VASH2: variants seen among roughly 807,000 people sequenced by gnomAD.
The protein encoded by VASH2 is vasohibin 2, also known as tubulinyl-Tyr carboxypeptidase 2.
In VASH2, 28 loss-of-function variants were observed where a neutral mutation model predicts 37.2. That is an observed-to-expected ratio of 0.75 (90% CI 0.56 to 1.03). The LOEUF is 1.03. Among genes scored for constraint, VASH2 ranks in the 50% least tolerant of loss-of-function variants. The probability of loss-of-function intolerance (pLI) is 0.00; values close to 1 mark genes in which losing one functional copy is unlikely to be tolerated. For missense variants in VASH2, 419 were observed against 459.1 expected, an observed-to-expected ratio of 0.91 and a Z score of 0.80; for synonymous variants, 188 against 174.7, an observed-to-expected ratio of 1.08 and a Z score of -0.60.
In VASH2 at chr1:212,988,452, CT is replaced by C. The variant is rs1450973161; in HGVS notation, c.996-59del. ...AACCGAGTAGAGGACCTTGAAAATG[CT>C]GTTGTCTTTCTTTGCCCCATCCCCT... On this transcript the variant is annotated intron_variant, in intron 7 of 7. Coordinates refer to ENST00000517399, the MANE Select transcript of VASH2 (RefSeq NM_001301056.2). The C allele has an allele frequency of 6.5e-5, 101 of 1,554,424 alleles. No homozygotes were observed. In the East Asian group the frequency reaches 1.4e-3, roughly 21 times the overall value.
intron 2 of VASH2, among the ~76,000 whole-genome samples, chr1:212,958,090 G>A (rs1214721818): frequency 1.3e-5 from 2 of 152,220 alleles, no homozygotes; most frequent in East Asian, 3.8e-4. Context: ...GTAGGTGGCA[G>A]AGCAGGGCTT....
intron 7 of VASH2, among the ~76,000 whole-genome samples, chr1:212,986,710 G>C (rs1044813202): frequency 1.3e-5 from 2 of 149,562 alleles, no homozygotes; most frequent in Non-Finnish European, 3.0e-5. Flanking sequence ...ATCCCCTGAA[G>C]GATGGAAGCC....
intron 6 of VASH2, chr1:212,973,275 C>G: frequency 1.1e-6 from 1 of 887,214 alleles, no homozygotes; most frequent in Non-Finnish European, 1.6e-6. Flanking sequence ...CCTGGAACTG[C>G]GGGTTTTCCC....
At chr1:212,956,761 T>C (rs1328427650) in intron 2 of VASH2, among the ~76,000 whole-genome samples, 1 of 152,262 alleles carries the variant, frequency 6.6e-6, no homozygotes, top group Non-Finnish European at 1.5e-5. Context: ...GCATTTCTTA[T>C]ATTATTAGAG....
At chr1:212,969,909 G>A (rs923645203) in intron 5 of VASH2, among the ~76,000 whole-genome samples, 6 of 152,154 alleles carry the variant, frequency 3.9e-5, no homozygotes, top group African/African-American at 1.4e-4. Flanking sequence ...TTGGCCCAGA[G>A]TTCAGGATTC....
chr1:212,982,576 G>C (rs952641530), intron 7 of VASH2, among the ~76,000 whole-genome samples: 1 of 152,192 alleles, frequency 6.6e-6, no homozygotes, highest in African/African-American at 2.4e-5. Flanking sequence ...AGCTCACCCA[G>C]CTCTGGCCCT....
intron 7 of VASH2, among the ~76,000 whole-genome samples, chr1:212,976,769 G>A (rs569213545): frequency 5.9e-5 from 9 of 152,334 alleles, no homozygotes; most frequent in African/African-American, 2.2e-4. Flanking sequence ...CTTGCCCTCT[G>A]CCCTCCTGCC....
intron 7 of VASH2, among the ~76,000 whole-genome samples, chr1:212,987,021 C>A (rs1486844386): frequency 6.6e-6 from 1 of 150,998 alleles, no homozygotes; most frequent in East Asian, 1.9e-4. Context: ...ATGACTATTC[C>A]TTCCCATTTC....
At position 212,989,834 on chromosome 1, in the gene VASH2, T is replaced by C. The variant is rs2075839470; in HGVS notation, c.*1250T>C. On this transcript the variant is annotated 3_prime_UTR_variant, in exon 8 of 8. Coordinates refer to ENST00000517399, the MANE Select transcript of VASH2 (RefSeq NM_001301056.2). ...TCTGGCCTGCATATGGTAGTTACAG[T>C]GTAACCTCTGGCTGCAGACCACACA... 2 of 152,204 alleles carry C rather than the reference T, an allele frequency of 1.3e-5. No homozygotes were observed. The highest frequency in any genetic ancestry group is 4.1e-4 in the South Asian group (2 of 4,830). 9.4% of individuals were successfully genotyped at this position (152,204 alleles called of 1,614,324 possible). A position where few individuals can be genotyped will look rare whatever the true frequency, so the allele number is the denominator to read the frequency against.
chr1:212,981,450 C>T (rs755784434), intron 7 of VASH2, among the ~76,000 whole-genome samples: 22 of 152,178 alleles, frequency 1.4e-4, no homozygotes, highest in Non-Finnish European at 2.6e-4. Context: ...CCAGACCGGC[C>T]GTGAATCCTA....
chr1:212,956,776 TAAACAA>T (rs1450146798), intron 2 of VASH2, among the ~76,000 whole-genome samples: 1 of 152,230 alleles, frequency 6.6e-6, no homozygotes, highest in Non-Finnish European at 1.5e-5. Context: ...TTAGAGCACT[TAAACAA>T]TTTTTTCAAG....
intron 2 of VASH2, 62 bp from the exon 3 acceptor site, chr1:212,961,104 C>T: frequency 6.5e-7 from 1 of 1,546,846 alleles, no homozygotes; most frequent in Non-Finnish European, 8.9e-7. Context: ...CTGCCTGCCC[C>T]CAGAAGCTGG....
intron 3 of VASH2, among the ~76,000 whole-genome samples, chr1:212,963,334 C>A (rs946209141): frequency 6.6e-6 from 1 of 152,174 alleles, no homozygotes; most frequent in Non-Finnish European, 1.5e-5. Context: ...AGCCCCCTGC[C>A]CACTGGGGCC....
At chr1:212,957,209 C>T (rs61832425) in intron 2 of VASH2, among the ~76,000 whole-genome samples, 1,589 of 152,314 alleles carry the variant, frequency 0.01, 11 homozygotes, top group Non-Finnish European at 0.016. Flanking sequence ...AACGTCTTTC[C>T]TTTTAAAGGC....
chr1:212,972,108 C>T (rs1387345212), intron 5 of VASH2, among the ~76,000 whole-genome samples: 1 of 152,200 alleles, frequency 6.6e-6, no homozygotes. Flanking sequence ...CCACCTCCTT[C>T]TGCATTCCCA....
chr1:212,988,384 TG>T, intron 7 of VASH2, 127 bp from the exon 8 acceptor site: 3 of 886,782 alleles, frequency 3.4e-6, no homozygotes, highest in Non-Finnish European at 5.4e-6. Context: ...GCTGGCAGGG[TG>T]GGGGAATGGG....
intron 7 of VASH2, among the ~76,000 whole-genome samples, chr1:212,980,408 C>A (rs1667309153): frequency 1.3e-5 from 2 of 152,180 alleles, no homozygotes; most frequent in Non-Finnish European, 2.9e-5. Flanking sequence ...CTCCTGTTTT[C>A]TTTGCTGGTC....
At position 212,988,721 on chromosome 1, in the gene VASH2, T is replaced by C. The variant is rs1441105799; in HGVS notation, c.*137T>C. 3.2e-6 allele frequency: 3 copies of C among 949,300 alleles called. No homozygotes were observed. Among genetic ancestry groups the C allele is most frequent in the African/African-American group, 1.6e-5 (1 of 60,906 alleles). 58.8% of individuals were successfully genotyped at this position (949,300 alleles called of 1,614,324 possible). On this transcript the variant is annotated 3_prime_UTR_variant, in exon 8 of 8. Coordinates refer to ENST00000517399, the MANE Select transcript of VASH2 (RefSeq NM_001301056.2). ...TAAGGATTCACCTGGAAATAGAATC[T>C]GAGTGGGTGGTAACCATTAGCTTTA...
At chr1:212,957,213 T>C (rs1162989214) in intron 2 of VASH2, among the ~76,000 whole-genome samples, 3 of 152,262 alleles carry the variant, frequency 2.0e-5, no homozygotes, top group African/African-American at 7.2e-5. Context: ...TCTTTCCTTT[T>C]AAAGGCTGAA....
Sources: allele counts gnomAD v4.1 joint callset (sites outside exome capture counted in the v4.1 genomes callset), GRCh38; gene constraint gnomAD v4.1.1; transcripts MANE v1.5; gene names NCBI Gene and HGNC (gene_info 2026-07-23, HGNC 2026-07-21).